The following NCAPH variants were observed in gnomAD, a reference collection of about 807,000 sequenced individuals.
NCAPH encodes the protein condensin complex subunit 2.
In NCAPH, 38 loss-of-function variants were observed where a neutral mutation model predicts 85.5. The observed-to-expected ratio is 0.44, with a 90% CI of 0.34 to 0.58. NCAPH has a LOEUF of 0.58. Ranked by LOEUF, NCAPH falls within the 20% of genes least tolerant of loss-of-function variation. NCAPH has a pLI of 0.01. For synonymous variants in NCAPH, 301 were observed against 335.1 expected (o/e 0.90, Z 1.11); for missense variants, 789 against 916.6 (o/e 0.86, Z 1.80).
At chr2:96,365,008 G>A (rs1300767921) in intron 13 of NCAPH, among the ~76,000 whole-genome samples, 2 of 152,088 alleles carry the variant, frequency 1.3e-5, no homozygotes, top group African/African-American at 4.8e-5. Flanking sequence ...ATAAGTCTTC[G>A]GGGTGTATCT....
At chr2:96,367,963 C>G (rs532916736) in intron 15 of NCAPH, among the ~76,000 whole-genome samples, 7 of 152,290 alleles carry the variant, frequency 4.6e-5, no homozygotes, top group Non-Finnish European at 1.0e-4. Context: ...TCTAATAATT[C>G]TGATTTCAGG....
At position 96,360,260 on chromosome 2, in the gene NCAPH, A is replaced by T. The variant is rs1275191753; in HGVS notation, c.1464+11A>T. Reference sequence around the variant, plus strand: ...TTTAGAAAAACAAAGGTTTGTACTGAATTTATTAGGATTGTGCTTACTCGT... The same window carrying T: ...TTTAGAAAAACAAAGGTTTGTACTGTATTTATTAGGATTGTGCTTACTCGT... On this transcript the variant is annotated intron_variant, in intron 11 of 17. Coordinates refer to ENST00000240423, the MANE Select transcript of NCAPH (RefSeq NM_015341.5). 1.5e-6 allele frequency: 2 copies of T among 1,352,276 alleles called. No homozygotes were observed. Among genetic ancestry groups the T allele is most frequent in the African/African-American group, 2.9e-5 (2 of 68,796 alleles). The allele number at this position is 1,352,276 out of a possible 1,614,324, so 83.8% of individuals were successfully genotyped here. A position where few individuals can be genotyped will look rare whatever the true frequency, so the allele number is the denominator to read the frequency against.
chr2:96,338,620 G>A (rs74731813), intron 1 of NCAPH, among the ~76,000 whole-genome samples: 2,198 of 152,254 alleles, frequency 0.014, 31 homozygotes, highest in Middle Eastern at 0.031. Context: ...GAGGAAGGTC[G>A]TCGGGGTAGA....
rs550051193 is a variant in NCAPH, at chr2:96,375,175, T to G, written c.*1824T>G. On this transcript the variant is annotated 3_prime_UTR_variant, in exon 18 of 18. Transcript: ENST00000240423. Reference sequence around the variant, plus strand: ...GTGAGCTGTGATCACACTACTGCATTCCAGCCAGGACAACAGAGTGAGATC... The same window carrying G: ...GTGAGCTGTGATCACACTACTGCATGCCAGCCAGGACAACAGAGTGAGATC... 2.5e-4 allele frequency among the ~76,000 whole-genome samples: 38 copies of G among 152,070 alleles called. No individual in the cohort carries two copies. The highest frequency in any genetic ancestry group is 3.4e-3 in the Middle Eastern group (1 of 294).
At chr2:96,343,777 G>A (rs1045301548) in intron 5 of NCAPH, among the ~76,000 whole-genome samples, 3 of 150,792 alleles carry the variant, frequency 2.0e-5, no homozygotes, top group Non-Finnish European at 4.4e-5. Flanking sequence ...CTGGGCTCAC[G>A]GCAGCCTCTG....
At chr2:96,348,618 C>T (rs1167512393) in intron 6 of NCAPH, among the ~76,000 whole-genome samples, 1 of 151,924 alleles carries the variant, frequency 6.6e-6, no homozygotes, top group East Asian at 1.9e-4. Flanking sequence ...TGTTTTTTCC[C>T]CTTCCCAGAT....
At chr2:96,344,355 CT>C in intron 6 of NCAPH, 126 bp downstream of exon 6, 1 of 1,008,814 alleles carries the variant, frequency 9.9e-7, no homozygotes, top group Non-Finnish European at 1.4e-6. Flanking sequence ...AAATATTCAA[CT>C]GATATCTCTG....
chr2:96,369,451 T>C lies in NCAPH; in HGVS notation c.2117T>C (p.Leu706Pro). The change falls in exon 17 of 18, where the codon CTC becomes CCC. Residue 706 changes from leucine to proline, a missense_variant. By Grantham distance (98) the Leu-to-Pro change is moderately conservative. Coordinates refer to ENST00000240423, the MANE Select transcript of NCAPH (RefSeq NM_015341.5). ...RSLPPVMAQNLSIPLAFACLL... is the reference protein window; with the variant it reads ...RSLPPVMAQNPSIPLAFACLL... The stretch of plus-strand genomic sequence containing the variant: ...CTGCCCCCTGTCATGGCTCAGAACC[T>C]CTCCATACCTCTGGCTTTTGCCTGT... The C allele has an allele frequency of 6.2e-7, 1 of 1,614,154 alleles. No homozygotes were observed. Among genetic ancestry groups the C allele is most frequent in the Non-Finnish European group, 8.5e-7 (1 of 1,179,988 alleles).
Position 96,356,520 on chromosome 2 carries a change from T to C in NCAPH, c.1208+2132T>C, listed in dbSNP as rs186360829. ...TTACATAATATCTAAAATTAATTATTTTATTGCAGCAACCCTATAATTAGG... is the reference window on the plus strand; with the variant it reads ...TTACATAATATCTAAAATTAATTATCTTATTGCAGCAACCCTATAATTAGG... On this transcript the variant is annotated intron_variant, in intron 9 of 17. Transcript: ENST00000240423. Among the ~76,000 whole-genome samples the C allele has an allele frequency of 4.1e-3, 628 of 152,302 alleles. 3 individuals carry two copies. Among genetic ancestry groups the C allele is most frequent in the Admixed American group, 6.9e-3 (105 of 15,286 alleles).
At position 96,342,225 on chromosome 2, in the gene NCAPH, C is replaced by T. The variant is rs1044298566; in HGVS notation, c.363+85C>T. ...CTATCTTGTTTCTGTAGATAATGCA[C>T]AATCAATGATGATAATTCTCTGGTG... On this transcript the variant is annotated intron_variant, in intron 3 of 17. Coordinates refer to ENST00000240423, the MANE Select transcript of NCAPH (RefSeq NM_015341.5). 7.7e-5 allele frequency: 93 copies of T among 1,200,018 alleles called. No individual in the cohort carries two copies. The Admixed American group carries it at 1.6e-3, about 21-fold the overall frequency. The allele number at this position is 1,200,018 out of a possible 1,614,324, so 74.3% of individuals were successfully genotyped here.
chr2:96,365,966 A>G lies in NCAPH; in HGVS notation c.1789A>G (p.Lys597Glu), dbSNP rs140487512. The G allele has an allele frequency of 2.0e-5, 32 of 1,614,056 alleles. No homozygotes were observed. The highest frequency in any genetic ancestry group is 2.7e-5 in the Non-Finnish European group (32 of 1,180,030). Reference sequence around the variant, plus strand: ...CTCACCTTATCCTTGCCATCCACCTAAGACAGCACAACAGAATGGTGACAC... The same window carrying G: ...CTCACCTTATCCTTGCCATCCACCTGAGACAGCACAACAGAATGGTGACAC... ...DLSPYPCHPP[K>E]TAQQNGDTPE... Residue 597 changes from lysine to glutamate, a missense_variant, in exon 14 of 18, where the codon AAG becomes GAG. By Grantham distance (56) the Lys-to-Glu change is moderately conservative. Coordinates refer to ENST00000240423, the MANE Select transcript of NCAPH (RefSeq NM_015341.5).
chr2:96,367,220 T>G, intron 14 of NCAPH, 37 bp from the exon 15 acceptor site: 2 of 1,439,450 alleles, frequency 1.4e-6, no homozygotes, highest in Middle Eastern at 1.8e-4. Context: ...AGTTTCTTTA[T>G]TCTGCTTAGT....
At position 96,376,918 on chromosome 2, in the gene NCAPH, TAAAG is replaced by T. The variant is rs1203618697; in HGVS notation, c.*3570_*3573del. ...ATAATAACAATTGTATATTTTAAAA[TAAAG>T]AATGTAATTGAAAAGAGTAAATGCC... On this transcript the variant is annotated 3_prime_UTR_variant, in exon 18 of 18. Transcript: ENST00000240423. Among the ~76,000 whole-genome samples, 3 of 152,252 alleles carry T rather than the reference TAAAG, an allele frequency of 2.0e-5. No individual in the cohort carries two copies. The highest frequency in any genetic ancestry group is 2.1e-4 in the South Asian group (1 of 4,824).
At chr2:96,364,063 A>C (rs1383717727) in intron 12 of NCAPH, among the ~76,000 whole-genome samples, 1 of 152,206 alleles carries the variant, frequency 6.6e-6, no homozygotes, top group South Asian at 2.1e-4. Context: ...CAGCCTCTCA[A>C]AATGCTGGGA....
In NCAPH at chr2:96,369,040, G is replaced by A; in HGVS notation, c.2067G>A (p.Gly689=). The A allele has an allele frequency of 6.4e-7, 1 of 1,555,604 alleles. No homozygotes were observed. The highest frequency in any genetic ancestry group is 1.2e-5 in the South Asian group (1 of 84,270). ...TGGCTGACGAGAAGATGCTTAGCGG[G>A]CTCACGAAGGACCTGCAGAGGAGGT... ...AEVADEKMLS[G]LTKDLQRSLP... is the part of the protein sequence containing the mutation. Residue 689 remains glycine (G), a synonymous_variant, in exon 16 of 18, where the codon GGG becomes GGA. Transcript: ENST00000240423.
At chr2:96,348,302 G>A (rs1455707898) in intron 6 of NCAPH, among the ~76,000 whole-genome samples, 1 of 150,614 alleles carries the variant, frequency 6.6e-6, no homozygotes, top group Non-Finnish European at 1.5e-5. Flanking sequence ...CCATTCTCCT[G>A]CCTCAGCCTC....
At position 96,367,009 on chromosome 2, in the gene NCAPH, T is replaced by C. The variant is rs139294352; in HGVS notation, c.1882-248T>C. On this transcript the variant is annotated intron_variant, in intron 14 of 17. Coordinates refer to ENST00000240423, the MANE Select transcript of NCAPH (RefSeq NM_015341.5). ...TCCATGGGAGGCTGAGGCTGGAGAA[T>C]CGCTTGAACCCAGGAGGCGGAGGTT... Among the ~76,000 whole-genome samples the C allele has an allele frequency of 5.5e-3, 826 of 151,466 alleles. 6 individuals are homozygous for C. Among genetic ancestry groups the C allele is most frequent in the African/African-American group, 0.019 (784 of 41,282 alleles).
At chr2:96,338,709 A>G (rs1434482224) in intron 1 of NCAPH, among the ~76,000 whole-genome samples, 1 of 152,242 alleles carries the variant, frequency 6.6e-6, no homozygotes, top group African/African-American at 2.4e-5. Flanking sequence ...GCAGCTCTGA[A>G]GCTGCAAAAG....
In NCAPH at chr2:96,374,249, C is replaced by A. The variant is rs911522982; in HGVS notation, c.*898C>A. On this transcript the variant is annotated 3_prime_UTR_variant, in exon 18 of 18. Coordinates refer to ENST00000240423, the MANE Select transcript of NCAPH (RefSeq NM_015341.5). Reference sequence around the variant, plus strand: ...GAGCCTGGCAATCTGCCTCCAGAGTCTGCTCTCGGCCATTGTGCTATGTGC... The same window carrying A: ...GAGCCTGGCAATCTGCCTCCAGAGTATGCTCTCGGCCATTGTGCTATGTGC... 6.6e-6 allele frequency among the ~76,000 whole-genome samples: 1 copy of A among 152,220 alleles called. No individual in the cohort carries two copies. The highest frequency in any genetic ancestry group is 2.4e-5 in the African/African-American group (1 of 41,456).
Sources: allele counts gnomAD v4.1 joint callset (sites outside exome capture counted in the v4.1 genomes callset), GRCh38; gene constraint gnomAD v4.1.1; transcripts MANE v1.5; gene names NCBI Gene and HGNC (gene_info 2026-07-23, HGNC 2026-07-21).